Variants in NHEJ1 observed in about 807,000 individuals in gnomAD.
The protein encoded by NHEJ1 is non-homologous end-joining factor 1.
A neutral mutation model predicts 39.4 loss-of-function variants in NHEJ1; 22 were observed. The observed-to-expected ratio is 0.56, with a 90% CI of 0.40 to 0.80. NHEJ1 has a LOEUF of 0.80. Ranked by LOEUF, NHEJ1 falls within the 30% of genes least tolerant of loss-of-function variation. The pLI is 0.00. For synonymous variants in NHEJ1, 154 were observed against 135.6 expected, an observed-to-expected ratio of 1.14 and a Z score of -0.94; for missense variants, 329 against 357.1, an observed-to-expected ratio of 0.92 and a Z score of 0.63.
chr2:219,097,780 A>G (rs1348168774), intron 5 of NHEJ1, among the ~76,000 whole-genome samples: 1 of 152,186 alleles, frequency 6.6e-6, no homozygotes, highest in African/African-American at 2.4e-5. Context: ...TTGAATATAC[A>G]AGTCTGGGGT....
intron 5 of NHEJ1, among the ~76,000 whole-genome samples, chr2:219,080,650 TGC>T (rs1949057257): frequency 8.7e-6 from 1 of 114,522 alleles, no homozygotes; most frequent in Admixed American, 8.3e-5. Flanking sequence ...CTTATATATA[TGC>T]TAATATATAT....
intron 5 of NHEJ1, among the ~76,000 whole-genome samples, chr2:219,097,798 A>G (rs1464020993): frequency 2.0e-4 from 30 of 152,176 alleles, no homozygotes; most frequent in Non-Finnish European, 1.5e-4. Context: ...GGTTTGGGAG[A>G]AAGAACTGGG....
intron 5 of NHEJ1, among the ~76,000 whole-genome samples, chr2:219,104,707 C>A (rs540884267): frequency 8.7e-5 from 13 of 149,850 alleles, no homozygotes; most frequent in Admixed American, 2.7e-4. Context: ...AGGCACCCCC[C>A]CACACACACA....
chr2:219,142,426 A>G (rs938938189), intron 5 of NHEJ1, among the ~76,000 whole-genome samples: 29 of 152,208 alleles, frequency 1.9e-4, no homozygotes, highest in African/African-American at 6.8e-4. Flanking sequence ...TTTGAGCAGC[A>G]TGCAGCCCCA....
intron 5 of NHEJ1, among the ~76,000 whole-genome samples, chr2:219,101,768 C>T (rs926942718): frequency 1.4e-5 from 2 of 147,446 alleles, no homozygotes; most frequent in Non-Finnish European, 3.0e-5. Context: ...GCCAGGCTGG[C>T]AGGCTGGAGT....
intron 5 of NHEJ1, among the ~76,000 whole-genome samples, chr2:219,091,290 G>A (rs959427): frequency 0.57 from 86,930 of 151,880 alleles, 26,166 homozygotes; most frequent in Non-Finnish European, 0.67. Flanking sequence ...TCTTTTTTCC[G>A]CAGTCCTAGA....
intron 5 of NHEJ1, among the ~76,000 whole-genome samples, chr2:219,113,532 C>A (rs1949384433): frequency 2.0e-5 from 3 of 152,194 alleles, no homozygotes; most frequent in Admixed American, 2.0e-4. Context: ...AACCTGCTTT[C>A]TCTGGCTTTG....
At chr2:219,081,411 C>T (rs573955383) in intron 5 of NHEJ1, among the ~76,000 whole-genome samples, 3 of 152,278 alleles carry the variant, frequency 2.0e-5, no homozygotes, top group East Asian at 1.9e-4. Flanking sequence ...CACGATGTAC[C>T]GGCCACAATG....
At position 219,111,984 on chromosome 2, in the gene NHEJ1, C is replaced by G. The variant is rs2106339848; in HGVS notation, c.589-33778G>C. Among the ~76,000 whole-genome samples, 1 of 152,196 alleles carries G rather than the reference C, an allele frequency of 6.6e-6. No individual in the cohort carries two copies. Among genetic ancestry groups the G allele is most frequent in the East Asian group, 1.9e-4 (1 of 5,180 alleles). On this transcript the variant is annotated intron_variant, in intron 5 of 7. Coordinates refer to ENST00000356853, the MANE Select transcript of NHEJ1 (RefSeq NM_024782.3). This position sits in a 1 kb window ranked among gnomAD's most constrained non-coding sequence, Gnocchi z 4.1. ...GTTACTACTGGTAGGTCAAAGTTCCCAAAAGCCTTAAAAGGGGAATTTCTA... is the reference window on the plus strand; with the variant it reads ...GTTACTACTGGTAGGTCAAAGTTCCGAAAAGCCTTAAAAGGGGAATTTCTA...
At chr2:219,101,063 C>T (rs1454891970) in intron 5 of NHEJ1, among the ~76,000 whole-genome samples, 1 of 152,116 alleles carries the variant, frequency 6.6e-6, no homozygotes, top group Non-Finnish European at 1.5e-5. Flanking sequence ...TATTCTTATG[C>T]ATTTTGCCTT....
At chr2:219,136,991 A>C (rs1157525064) in intron 5 of NHEJ1, among the ~76,000 whole-genome samples, 2 of 151,838 alleles carry the variant, frequency 1.3e-5, no homozygotes, top group African/African-American at 4.8e-5. Context: ...ATTTTTAATA[A>C]ATTTCCTTTT....
intron 5 of NHEJ1, among the ~76,000 whole-genome samples, chr2:219,080,536 AAT>A: frequency 2.1e-5 from 3 of 141,954 alleles, no homozygotes; most frequent in African/African-American, 8.3e-5. Flanking sequence ...AAAAAAAATA[AAT>A]AAATAAATAA....
At chr2:219,082,412 C>G (rs1189583754) in intron 5 of NHEJ1, among the ~76,000 whole-genome samples, 3 of 152,206 alleles carry the variant, frequency 2.0e-5, no homozygotes, top group Non-Finnish European at 4.4e-5. Context: ...TCCCAGTGGT[C>G]CAGAAAGCCC....
At chr2:219,148,930 C>T (rs10173514) in intron 3 of NHEJ1, among the ~76,000 whole-genome samples, 66 of 152,002 alleles carry the variant, frequency 4.3e-4, no homozygotes, top group African/African-American at 1.5e-3. Flanking sequence ...GTTGCCCAGG[C>T]TACAGTACAG....
intron 5 of NHEJ1, among the ~76,000 whole-genome samples, chr2:219,079,113 G>A (rs1404468291): frequency 6.6e-6 from 1 of 152,194 alleles, no homozygotes; most frequent in African/African-American, 2.4e-5. Flanking sequence ...TCATACACTT[G>A]GCTGAACTGC....
intron 1 of NHEJ1, 42 bp from the exon 2 acceptor site, chr2:219,158,404 G>A: frequency 6.2e-7 from 1 of 1,600,924 alleles, no homozygotes; most frequent in South Asian, 1.1e-5. Context: ...TCAGGGTCAT[G>A]CTGGCCTAGG....
At position 219,147,854 on chromosome 2, in the gene NHEJ1, G is replaced by C. The variant is rs7585742; in HGVS notation, c.391-59C>G. The C allele has an allele frequency of 0.6, 945,847 of 1,573,286 alleles. 293,576 individuals are homozygous for C. The highest frequency in any genetic ancestry group is 0.64 in the Non-Finnish European group (737,858 of 1,146,416). ...CTCTTATAAAGTACTTTCCAATTCA[G>C]TATTAGGTACCAGAAAAAATACCGA... On this transcript the variant is annotated intron_variant, in intron 3 of 7. Coordinates refer to ENST00000356853, the MANE Select transcript of NHEJ1 (RefSeq NM_024782.3).
intron 5 of NHEJ1, among the ~76,000 whole-genome samples, chr2:219,105,953 T>G (rs1431325282): frequency 1.3e-5 from 2 of 152,266 alleles, no homozygotes; most frequent in Non-Finnish European, 2.9e-5. Flanking sequence ...CAGTTTTCCT[T>G]GAAGATCCAT....
chr2:219,130,028 A>T (rs1184278676), intron 5 of NHEJ1, among the ~76,000 whole-genome samples: 5 of 134,890 alleles, frequency 3.7e-5, no homozygotes, highest in South Asian at 2.3e-4. Context: ...CTCTAATTTT[A>T]TATGGTATGT....
Sources: gnomAD v4.1 joint callset for allele counts (sites outside exome capture counted in the v4.1 genomes callset) on GRCh38, gnomAD v4.1.1 for gene constraint, Gnocchi (gnomAD v3.1) non-coding constraint, MANE v1.5 for transcripts, NCBI Gene and HGNC (gene_info 2026-07-23, HGNC 2026-07-21) for gene names.